Variants in HK1 observed in about 807,000 individuals in gnomAD.
The protein encoded by HK1 is hexokinase 1, also known as hexokinase-1.
Under a neutral mutation model 91.6 loss-of-function variants are expected in HK1, and 28 were observed. The observed-to-expected ratio is 0.31, with a 90% CI of 0.23 to 0.42. HK1 has a LOEUF of 0.42. Among genes scored for constraint, HK1 ranks in the 10% least tolerant of loss-of-function variants. The probability of loss-of-function intolerance (pLI) is 1.00; values close to 1 mark genes in which losing one functional copy is unlikely to be tolerated. For missense variants in HK1, 770 were observed against 1,219.8 expected (o/e 0.63, Z 5.49); for synonymous variants, 430 against 468.1 (o/e 0.92, Z 1.05).
At chr10:69,354,478 C>T (rs1849033152) in intron 2 of HK1, among the ~76,000 whole-genome samples, 1 of 152,116 alleles carries the variant, frequency 6.6e-6, no homozygotes, top group East Asian at 1.9e-4. Context: ...CCTTATAAAA[C>T]CATAAGGTCT....
At chr10:69,343,719 G>A (rs1052114539) in intron 1 of HK1, 108 bp from the exon 2 acceptor site, 25 of 828,100 alleles carry the variant, frequency 3.0e-5, no homozygotes, top group South Asian at 8.0e-5. Flanking sequence ...ATGTGCCAGC[G>A]TGCGTGTTCC....
chr10:69,396,078 C>T (rs908791739), intron 16 of HK1, among the ~76,000 whole-genome samples: 2 of 151,982 alleles, frequency 1.3e-5, no homozygotes, highest in African/African-American at 4.8e-5. Context: ...TCGAGACCAG[C>T]CTGGTTAACA....
intron 3 of HK1, among the ~76,000 whole-genome samples, chr10:69,364,347 G>A (rs1564543465): frequency 6.6e-6 from 1 of 152,118 alleles, no homozygotes; most frequent in South Asian, 2.1e-4. Context: ...AGAGGCTGTG[G>A]AATTGCCCTC....
chr10:69,298,172 T>C (rs529614740), intron 4 of HK1, among the ~76,000 whole-genome samples: 3 of 150,690 alleles, frequency 2.0e-5, no homozygotes, highest in African/African-American at 7.4e-5. Context: ...GATCATGCCA[T>C]TGCACTCCAG....
intron 1 of HK1, among the ~76,000 whole-genome samples, chr10:69,273,303 C>T (rs575514078): frequency 6.6e-6 from 1 of 152,128 alleles, no homozygotes; most frequent in African/African-American, 2.4e-5. Flanking sequence ...GCAGGCTCCA[C>T]CTCCGGAATT....
chr10:69,308,175 C>G (rs1846191634), intron 5 of HK1, among the ~76,000 whole-genome samples: 1 of 152,092 alleles, frequency 6.6e-6, no homozygotes, highest in Non-Finnish European at 1.5e-5. Flanking sequence ...GGTTCCCAAC[C>G]TTTATGGCAC....
intron 1 of HK1, among the ~76,000 whole-genome samples, chr10:69,340,817 G>A (rs943020400): frequency 4.6e-5 from 7 of 152,160 alleles, no homozygotes; most frequent in African/African-American, 7.2e-5. Context: ...GTGGGATCCC[G>A]CTTGTATTTG....
At chr10:69,292,206 G>T in intron 3 of HK1, 1 of 303,802 alleles carries the variant, frequency 3.3e-6, no homozygotes, top group Non-Finnish European at 6.6e-6. Flanking sequence ...AAGTAGCTGG[G>T]ACTAGAGGCG....
At chr10:69,332,446 T>G (rs1344102332) in intron 1 of HK1, among the ~76,000 whole-genome samples, 1 of 151,624 alleles carries the variant, frequency 6.6e-6, no homozygotes, top group Non-Finnish European at 1.5e-5. Flanking sequence ...TGGCGCAATC[T>G]TGACTCACCG....
intron 2 of HK1, among the ~76,000 whole-genome samples, chr10:69,284,795 C>T (rs916963664): frequency 3.9e-5 from 6 of 152,208 alleles, no homozygotes; most frequent in East Asian, 3.9e-4. Flanking sequence ...CTCACCACCA[C>T]GCTCAGTAAT....
At position 69,343,880 on chromosome 10, in the gene HK1, C is replaced by T. The variant is rs1848419475; in HGVS notation, c.117C>T (p.Ile39=). 1.2e-6 allele frequency: 2 copies of T among 1,613,876 alleles called. No homozygotes were observed. The highest frequency in any genetic ancestry group is 2.7e-5 in the African/African-American group (2 of 74,900). Residue 39 remains isoleucine (I), a synonymous_variant, in exon 2 of 18, where the codon ATC becomes ATT. Transcript: ENST00000359426. ...MRLSDETLID[I]MTRFRKEMKN... Reference sequence around the variant, plus strand: ...TCTCCGATGAAACTCTCATAGATATCATGACTCGCTTCAGGAAGGAGATGA... The same window carrying T: ...TCTCCGATGAAACTCTCATAGATATTATGACTCGCTTCAGGAAGGAGATGA...
At chr10:69,293,016 T>C (rs1845368715) in intron 3 of HK1, among the ~76,000 whole-genome samples, 1 of 152,164 alleles carries the variant, frequency 6.6e-6, no homozygotes, top group Non-Finnish European at 1.5e-5. Flanking sequence ...CATCTCCCCT[T>C]TCACTGGACA....
chr10:69,365,629 G>A (rs534285692), intron 4 of HK1, among the ~76,000 whole-genome samples: 28 of 152,234 alleles, frequency 1.8e-4, no homozygotes, highest in African/African-American at 6.7e-4. Context: ...TGTAATCCCA[G>A]CACTTTGGGA....
chr10:69,282,983 G>A (rs1313674456), intron 2 of HK1, among the ~76,000 whole-genome samples: 3 of 151,318 alleles, frequency 2.0e-5, no homozygotes, highest in African/African-American at 7.3e-5. Context: ...AAAATTAGCT[G>A]GGTATGGTGG....
chr10:69,338,728 T>A, intron 1 of HK1: 1 of 1,258,010 alleles, frequency 7.9e-7, no homozygotes, highest in Non-Finnish European at 1.0e-6. Flanking sequence ...TGTGTGTGTA[T>A]GTGTGAGTGT....
chr10:69,326,570 G>A (rs1403754116), intron 1 of HK1, among the ~76,000 whole-genome samples: 1 of 152,134 alleles, frequency 6.6e-6, no homozygotes, highest in Non-Finnish European at 1.5e-5. Flanking sequence ...TGTCCTTGTT[G>A]ATTTTAATGT....
At chr10:69,319,046 G>T in intron 1 of HK1, 36 bp downstream of exon 1, 1 of 1,575,246 alleles carries the variant, frequency 6.3e-7, no homozygotes, top group South Asian at 1.2e-5. Flanking sequence ...GGTCCTGGCC[G>T]CAGCCTTGCG....
intron 2 of HK1, among the ~76,000 whole-genome samples, chr10:69,285,553 A>T (rs1246716359): frequency 1.4e-4 from 22 of 152,316 alleles, no homozygotes; most frequent in Non-Finnish European, 4.4e-5. Flanking sequence ...AACTCAAGTA[A>T]ATGACACAAT....
At chr10:69,295,527 C>T in intron 3 of HK1, 1 of 792,968 alleles carries the variant, frequency 1.3e-6, no homozygotes. Context: ...CTTGTAATTA[C>T]TTTTGTTTTC....
Sources: allele counts gnomAD v4.1 joint callset (sites outside exome capture counted in the v4.1 genomes callset), GRCh38; gene constraint gnomAD v4.1.1; transcripts MANE v1.5; gene names NCBI Gene and HGNC (gene_info 2026-07-23, HGNC 2026-07-21).